SEC61A1: variants seen among roughly 807,000 people sequenced by gnomAD.
SEC61A1 encodes the protein protein transport protein Sec61 subunit alpha isoform 1.
SEC61A1 carries 15 observed loss-of-function variants against 55.2 expected under a neutral mutation model. The ratio of observed to expected loss-of-function variants is 0.27; its 90% CI spans 0.18 to 0.42. SEC61A1 has a LOEUF of 0.42. Among genes scored for constraint, SEC61A1 ranks in the 10% least tolerant of loss-of-function variants. SEC61A1 has a pLI of 1.00. For missense variants in SEC61A1, 284 were observed against 602.6 expected, an observed-to-expected ratio of 0.47 and a Z score of 5.53; for synonymous variants, 247 against 234.0, an observed-to-expected ratio of 1.06 and a Z score of -0.51.
chr3:128,051,643 T>A, upstream of SEC61A1: 1 of 1,404,390 alleles, frequency 7.1e-7, no homozygotes, highest in Admixed American at 3.0e-5. Flanking sequence ...TCTTAGGCAA[T>A]CACACCGCCA....
At chr3:128,064,175 C>G (rs1941895875) in intron 7 of SEC61A1, among the ~76,000 whole-genome samples, 1 of 152,208 alleles carries the variant, frequency 6.6e-6, no homozygotes, top group South Asian at 2.1e-4. Context: ...TTGTACTTCT[C>G]AAGATTGTCC....
Position 128,070,614 on chromosome 3 carries a change from G to C in SEC61A1, c.*952G>C, listed in dbSNP as rs555919815. 4.3e-4 allele frequency: 66 copies of C among 152,370 alleles called. No homozygotes were observed. Among genetic ancestry groups the C allele is most frequent in the African/African-American group, 1.3e-3 (54 of 41,568 alleles). 9.4% of individuals were successfully genotyped at this position (152,370 alleles called of 1,614,324 possible). On this transcript the variant is annotated 3_prime_UTR_variant, in exon 12 of 12. Coordinates refer to ENST00000243253, the MANE Select transcript of SEC61A1 (RefSeq NM_013336.4). ...CAGCTGTGTTCAGAATTTTCTTACT[G>C]TGCTTAGGACTGCACGCAAGTGAGC...
At position 128,067,145 on chromosome 3, in the gene SEC61A1, C is replaced by G. The variant is rs1942004200; in HGVS notation, c.969C>G (p.Thr323=). The G allele has an allele frequency of 1.2e-6, 2 of 1,614,168 alleles. No homozygotes were observed. The highest frequency in any genetic ancestry group is 1.7e-6 in the Non-Finnish European group (2 of 1,179,996). The change falls in exon 9 of 12, where the codon ACC becomes ACG. Residue 323 remains threonine (T), a synonymous_variant. Coordinates refer to ENST00000243253, the MANE Select transcript of SEC61A1 (RefSeq NM_013336.4). This position sits in a 1 kb window ranked among gnomAD's most constrained non-coding sequence, Gnocchi z 4.1. ...SGNLLVSLLG[T]WSDTSSGGPA... is the part of the protein sequence containing the mutation. Reference sequence around the variant, plus strand: ...ACTTGCTGGTCAGCCTGCTGGGCACCTGGTCGGTAAGTAGGCTCTTTGAAG... The same window carrying G: ...ACTTGCTGGTCAGCCTGCTGGGCACGTGGTCGGTAAGTAGGCTCTTTGAAG...
chr3:128,058,240 ACT>A (rs1378390116), intron 5 of SEC61A1, among the ~76,000 whole-genome samples: 1 of 113,400 alleles, frequency 8.8e-6, no homozygotes, highest in Non-Finnish European at 1.6e-5. Context: ...ACGGAGTCTC[ACT>A]CTGTCGCCCA....
At chr3:128,062,243 A>G (rs1267035233) in intron 7 of SEC61A1, among the ~76,000 whole-genome samples, 1 of 152,222 alleles carries the variant, frequency 6.6e-6, no homozygotes, top group Non-Finnish European at 1.5e-5. Flanking sequence ...CATGGCCTGC[A>G]TGTGGGCAGT....
chr3:128,054,663 T>C lies in SEC61A1; in HGVS notation c.76-853T>C, dbSNP rs189154075. Among the ~76,000 whole-genome samples the C allele has an allele frequency of 1.2e-4, 18 of 152,346 alleles. No individual in the cohort carries two copies. The East Asian group carries it at 3.1e-3, about 26-fold the overall frequency. ...CAGTTTTGTCACTTAATACTGTCAG[T>C]CTCTCACAAGGTATTTCAACCTCAG... is the stretch of plus-strand genomic sequence containing the variant. On this transcript the variant is annotated intron_variant, in intron 2 of 11. Coordinates refer to ENST00000243253, the MANE Select transcript of SEC61A1 (RefSeq NM_013336.4).
chr3:128,067,832 T>G lies in SEC61A1; in HGVS notation c.1168-151T>G, dbSNP rs2276867. 168,573 of 727,146 alleles carry G rather than the reference T, an allele frequency of 0.23. 20,446 individuals carry two copies. The highest frequency in any genetic ancestry group is 0.27 in the South Asian group (15,817 of 59,448). 45.0% of individuals were successfully genotyped at this position (727,146 alleles called of 1,614,324 possible). On this transcript the variant is annotated intron_variant, in intron 10 of 11. Transcript: ENST00000243253. This position sits in a 1 kb window ranked among gnomAD's most constrained non-coding sequence, Gnocchi z 4.1. ...AATCCACACTGTAAAGTTAGACTTTTTCATATGACTTCCTTGCGGCAGTTT... is the reference window on the plus strand; with the variant it reads ...AATCCACACTGTAAAGTTAGACTTTGTCATATGACTTCCTTGCGGCAGTTT...
intron 1 of SEC61A1, 83 bp downstream of exon 1, chr3:128,052,642 G>T: frequency 1.3e-6 from 2 of 1,551,960 alleles, no homozygotes; most frequent in Non-Finnish European, 1.7e-6. Context: ...GCGCCCGCCG[G>T]CCAACCCTGA....
chr3:128,062,746 C>T (rs1227145157), intron 7 of SEC61A1, among the ~76,000 whole-genome samples: 3 of 152,308 alleles, frequency 2.0e-5, no homozygotes, highest in African/African-American at 4.8e-5. Flanking sequence ...TTTAGTTTCA[C>T]CTTTTCCTAG....
intron 2 of SEC61A1, 48 bp downstream of exon 2, chr3:128,052,950 G>A (rs774513563): frequency 6.9e-7 from 1 of 1,441,664 alleles, no homozygotes; most frequent in African/African-American, 1.4e-5. Context: ...AAACTGTCTG[G>A]ACTCTGGAAG....
chr3:128,060,499 T>A lies in SEC61A1; in HGVS notation c.463-9T>A. On this transcript the variant is annotated splice_polypyrimidine_tract_variant and intron_variant, in intron 6 of 11. Coordinates refer to ENST00000243253, the MANE Select transcript of SEC61A1 (RefSeq NM_013336.4). Reference sequence around the variant, plus strand: ...TAACACATAGTCTTGTATTTTTGAATTTTTACAGCTCTTTGTTGCTGGCTT... The same window carrying A: ...TAACACATAGTCTTGTATTTTTGAAATTTTACAGCTCTTTGTTGCTGGCTT... The A allele has an allele frequency of 1.2e-6, 2 of 1,613,938 alleles. No homozygotes were observed. The highest frequency in any genetic ancestry group is 1.7e-6 in the Non-Finnish European group (2 of 1,179,892).
intron 11 of SEC61A1, chr3:128,068,857 T>C (rs1352565881): frequency 6.6e-6 from 1 of 152,442 alleles, no homozygotes; most frequent in Non-Finnish European, 1.5e-5. Context: ...CATGGCCGTG[T>C]TCCTACAAAG....
At chr3:128,065,343 C>T in intron 8 of SEC61A1, 1 of 584,148 alleles carries the variant, frequency 1.7e-6, no homozygotes, top group East Asian at 2.8e-5. Context: ...GCAAAAAGTA[C>T]TCTAGCTCTG....
intron 5 of SEC61A1, among the ~76,000 whole-genome samples, chr3:128,058,677 A>G (rs1941810603): frequency 6.6e-6 from 1 of 152,126 alleles, no homozygotes; most frequent in African/African-American, 2.4e-5. Flanking sequence ...CCTGGGTAAC[A>G]CAGTGAGAGA....
intron 8 of SEC61A1, chr3:128,066,617 TCTGA>T (rs1284273621): frequency 6.7e-6 from 2 of 297,716 alleles, no homozygotes; most frequent in Non-Finnish European, 1.3e-5. Flanking sequence ...AGAGACGGAG[TCTGA>T]CTGTGTTGCC....
rs1282553749 is a variant in SEC61A1 at position 128,069,557 on chromosome 3, G to T, written c.1326G>T (p.Gly442=). ...TGGCTGACTTCCTAGGCGCCATTGG[G>T]TCTGGAACCGGGATCCTGCTCGCAG... ...SVLADFLGAI[G]SGTGILLAVT... Residue 442 remains glycine (G), a synonymous_variant, in exon 12 of 12, where the codon GGG becomes GGT. Coordinates refer to ENST00000243253, the MANE Select transcript of SEC61A1 (RefSeq NM_013336.4). 2 of 1,614,000 alleles carry T rather than the reference G, an allele frequency of 1.2e-6. No individual in the cohort carries two copies. Among genetic ancestry groups the T allele is most frequent in the Admixed American group, 3.3e-5 (2 of 59,998 alleles).
chr3:128,052,446 C>G lies in SEC61A1; in HGVS notation c.-107C>G, dbSNP rs1034062925. 9.1e-6 allele frequency: 13 copies of G among 1,435,480 alleles called. No homozygotes were observed. In the African/African-American group the frequency reaches 1.3e-4, roughly 15 times the overall value. The allele number at this position is 1,435,480 out of a possible 1,614,324, so 88.9% of individuals were successfully genotyped here. A position where few individuals can be genotyped will look rare whatever the true frequency, so the allele number is the denominator to read the frequency against. ...CCGCCGGGCTAGCACTGACGTGTCT[C>G]TCGGCGGAGCTGCTGTGCAGTGGAA... On this transcript the variant is annotated 5_prime_UTR_variant, in exon 1 of 12. Transcript: ENST00000243253.
intron 5 of SEC61A1, among the ~76,000 whole-genome samples, chr3:128,057,211 C>T (rs1450645716): frequency 2.6e-5 from 4 of 152,222 alleles, no homozygotes; most frequent in Non-Finnish European, 5.9e-5. Context: ...GGATTATAGG[C>T]GTGAGCCACC....
rs545738638 is a variant in SEC61A1 at position 128,054,608 on chromosome 3, G to A, written c.76-908G>A. Among the ~76,000 whole-genome samples the A allele has an allele frequency of 2.1e-4, 28 of 134,488 alleles. 1 individual carries two copies. The South Asian group carries it at 6.3e-3, about 30-fold the overall frequency. The allele number at this position is 134,488 out of a possible 152,430, so 88.2% of individuals were successfully genotyped here. A position where few individuals can be genotyped will look rare whatever the true frequency, so the allele number is the denominator to read the frequency against. On this transcript the variant is annotated intron_variant, in intron 2 of 11. Coordinates refer to ENST00000243253, the MANE Select transcript of SEC61A1 (RefSeq NM_013336.4). The stretch of plus-strand genomic sequence containing the variant: ...CCAGAGGGCCAGGAATGCTGACTCA[G>A]TGCCTGCCTAGAAGTGTTTTTAAAG...
Sources: allele counts gnomAD v4.1 joint callset (sites outside exome capture counted in the v4.1 genomes callset), GRCh38; gene constraint gnomAD v4.1.1; non-coding constraint Gnocchi (gnomAD v3.1); transcripts MANE v1.5; gene names NCBI Gene and HGNC (gene_info 2026-07-23, HGNC 2026-07-21).